Variants in EFCAB13 observed in about 807,000 individuals in gnomAD.
EFCAB13 encodes the protein EF-hand calcium-binding domain-containing protein 13.
EFCAB13 carries 91 observed loss-of-function variants against 110.2 expected under a neutral mutation model. The ratio of observed to expected loss-of-function variants is 0.83; its 90% CI spans 0.70 to 0.98. The LOEUF is 0.98. Ranked by LOEUF, EFCAB13 falls within the 50% of genes least tolerant of loss-of-function variation. The pLI, the probability that EFCAB13 is intolerant of heterozygous loss-of-function variation, is 0.00. For missense variants in EFCAB13, 968 were observed against 1,119.4 expected (o/e 0.86, Z 1.93); for synonymous variants, 323 against 369.9 (o/e 0.87, Z 1.45).
chr17:47,414,887 TGAAA>T lies in EFCAB13; in HGVS notation c.2468_2471del (p.Glu823ValfsTer14), dbSNP rs768637957. ...GATTTAAAAGATTTCTTAATGAAAA[TGAAA>T]GAAAGTCCACATTTCCAAAAGTCCA... On this transcript the variant is annotated frameshift_variant, in exon 23 of 25. Coordinates refer to ENST00000331493, the MANE Select transcript of EFCAB13 (RefSeq NM_152347.5). LOFTEE classifies it high-confidence loss of function. The T allele has an allele frequency of 4.9e-5, 78 of 1,607,922 alleles. No homozygotes were observed. The African/African-American group carries it at 9.9e-4, about 20-fold the overall frequency.
chr17:47,403,302 G>T (rs913052530), intron 18 of EFCAB13, among the ~76,000 whole-genome samples: 1 of 152,084 alleles, frequency 6.6e-6, no homozygotes, highest in Admixed American at 6.6e-5. Flanking sequence ...AACCTTGTGA[G>T]GCAGATAGTA....
intron 12 of EFCAB13, 46 bp downstream of exon 12, chr17:47,375,012 T>C: frequency 6.7e-7 from 1 of 1,497,724 alleles, no homozygotes; most frequent in Non-Finnish European, 8.9e-7. Context: ...ATCACAGAAA[T>C]GAACAGAATG....
In EFCAB13 at chr17:47,374,624, C is replaced by G. The variant is rs182483396; in HGVS notation, c.1030C>G (p.Gln344Glu). Residue 344 changes from glutamine to glutamate, a missense_variant, in exon 12 of 25, where the codon CAA (glutamine) becomes GAA (glutamate). Gln to Glu is a conservative substitution (Grantham distance 29). Transcript: ENST00000331493. ...CAAAAAGTTAAATAAAAAAAGCAAC[C>G]AATATTATAGCAAAATTATGGAGAA... ...ISKKLNKKSN[Q>E]YYSKIMENDD... 246 of 1,605,134 alleles carry G rather than the reference C, an allele frequency of 1.5e-4. 1 individual carries two copies. The highest frequency in any genetic ancestry group is 5.3e-4 in the Admixed American group (31 of 57,998).
chr17:47,379,690 T>G (rs2065635954), intron 14 of EFCAB13, among the ~76,000 whole-genome samples: 1 of 152,184 alleles, frequency 6.6e-6, no homozygotes, highest in East Asian at 1.9e-4. Context: ...CCACTGATTT[T>G]TATTAAATTT....
chr17:47,389,992 A>G (rs1478533683), intron 14 of EFCAB13, among the ~76,000 whole-genome samples: 5 of 152,142 alleles, frequency 3.3e-5, no homozygotes, highest in African/African-American at 9.7e-5. Flanking sequence ...TTAAATAATC[A>G]TTTTAAGAAT....
rs1190754420 is a variant in EFCAB13 at position 47,355,695 on chromosome 17, C to T, written c.662-5683C>T. ...TCAAGTGATTCTTCTACCTCAGCCT[C>T]CCGAATAGCTGGGACTACAGTCGCG... On this transcript the variant is annotated intron_variant, in intron 9 of 24. Transcript: ENST00000331493. 2.0e-5 allele frequency among the ~76,000 whole-genome samples: 3 copies of T among 151,556 alleles called. No individual in the cohort carries two copies. The East Asian group carries it at 5.8e-4, about 29-fold the overall frequency.
chr17:47,385,447 C>A (rs1433920473), intron 14 of EFCAB13, among the ~76,000 whole-genome samples: 1 of 151,752 alleles, frequency 6.6e-6, no homozygotes, highest in Non-Finnish European at 1.5e-5. Context: ...GCTATTGATA[C>A]TTGTGTATGC....
Position 47,431,451 on chromosome 17 carries a change from A to T in EFCAB13, c.2638+1490A>T, listed in dbSNP as rs1905114853. ...TTCCTCAAAGTACTCATTTAACTAC[A>T]TCCTACAAGTTTTGATATATAGTAT... On this transcript the variant is annotated intron_variant, in intron 24 of 24. Coordinates refer to ENST00000331493, the MANE Select transcript of EFCAB13 (RefSeq NM_152347.5). This position sits in a 1 kb window ranked among gnomAD's most constrained non-coding sequence, Gnocchi z 4.1. Among the ~76,000 whole-genome samples the T allele has an allele frequency of 6.6e-6, 1 of 151,868 alleles. No individual in the cohort carries two copies. Among genetic ancestry groups the T allele is most frequent in the East Asian group, 1.9e-4 (1 of 5,196 alleles).
chr17:47,410,431 G>A (rs928471934), intron 21 of EFCAB13, among the ~76,000 whole-genome samples: 1 of 152,110 alleles, frequency 6.6e-6, no homozygotes, highest in African/African-American at 2.4e-5. Flanking sequence ...CATAAACTTT[G>A]GGGGACACAA....
intron 23 of EFCAB13, among the ~76,000 whole-genome samples, chr17:47,426,740 G>A (rs1000899201): frequency 2.0e-5 from 3 of 152,096 alleles, no homozygotes; most frequent in Non-Finnish European, 2.9e-5. Flanking sequence ...GCCAATTGGC[G>A]ATGCATATAT....
chr17:47,351,302 TGTGCGCGCGCGC>T lies in EFCAB13; in HGVS notation c.661+3353_661+3364del, dbSNP rs1246193445. Among the ~76,000 whole-genome samples, 8 of 101,694 alleles carry T rather than the reference TGTGCGCGCGCGC, an allele frequency of 7.9e-5. No individual in the cohort carries two copies. The South Asian group carries it at 2.1e-3, about 27-fold the overall frequency. The allele number at this position is 101,694 out of a possible 152,430, so 66.7% of individuals were successfully genotyped here. ...CACTGTGTGTGTGTGTGTGTGTGTG[TGTGCGCGCGCGC>T]GCGCGCGCGCGCGCCACGTTTTCTT... On this transcript the variant is annotated intron_variant, in intron 9 of 24. Transcript: ENST00000331493.
chr17:47,402,036 G>C (rs2065781700), intron 17 of EFCAB13, 96 bp from the exon 18 acceptor site: 1 of 842,112 alleles, frequency 1.2e-6, no homozygotes, highest in South Asian at 1.4e-5. Flanking sequence ...ATGATTCTTA[G>C]GAGTGCATCA....
chr17:47,393,475 A>G (rs2065719422), intron 15 of EFCAB13, among the ~76,000 whole-genome samples: 1 of 152,208 alleles, frequency 6.6e-6, no homozygotes, highest in South Asian at 2.1e-4. Context: ...AGAAAGCAGC[A>G]TGATATTCAT....
intron 3 of EFCAB13, 187 bp from the exon 4 acceptor site, chr17:47,328,082 G>A (rs547304821): frequency 4.6e-5 from 22 of 474,362 alleles, no homozygotes; most frequent in African/African-American, 3.8e-4. Flanking sequence ...TAAGGAATTG[G>A]ATGATCTGTG....
chr17:47,402,244 T>C (rs1330333952), intron 18 of EFCAB13, 41 bp downstream of exon 18: 2 of 1,555,378 alleles, frequency 1.3e-6, no homozygotes, highest in East Asian at 2.2e-5. Context: ...TTTACTTTTA[T>C]TGAAAGGACT....
At chr17:47,432,499 A>T (rs1905138041) in intron 24 of EFCAB13, among the ~76,000 whole-genome samples, 1 of 152,144 alleles carries the variant, frequency 6.6e-6, no homozygotes, top group Admixed American at 6.5e-5. Flanking sequence ...GGTTGAGGCA[A>T]GAATTGCTTG....
chr17:47,390,325 TAC>T (rs111830433), intron 14 of EFCAB13, among the ~76,000 whole-genome samples: 64 of 150,094 alleles, frequency 4.3e-4, no homozygotes, highest in Middle Eastern at 3.4e-3. Context: ...GTTTTTTTCA[TAC>T]ACACACACAC....
chr17:47,396,062 T>G, intron 17 of EFCAB13, 85 bp downstream of exon 17: 1 of 1,229,654 alleles, frequency 8.1e-7, no homozygotes, highest in Non-Finnish European at 1.1e-6. Flanking sequence ...ATCTTGTACT[T>G]GGCGAGACGG....
At chr17:47,412,715 A>C in intron 21 of EFCAB13, 58 bp from the exon 22 acceptor site, 1 of 1,490,194 alleles carries the variant, frequency 6.7e-7, no homozygotes, top group Non-Finnish European at 9.0e-7. Flanking sequence ...TAGATTTTGG[A>C]CAAATTATTT....
Sources: gnomAD v4.1 joint callset for allele counts (sites outside exome capture counted in the v4.1 genomes callset) on GRCh38, gnomAD v4.1.1 for gene constraint, Gnocchi (gnomAD v3.1) non-coding constraint, MANE v1.5 for transcripts, NCBI Gene and HGNC (gene_info 2026-07-23, HGNC 2026-07-21) for gene names.